The following POLI variants were observed in gnomAD, a reference collection of about 807,000 sequenced individuals.
POLI encodes the protein DNA polymerase iota.
Under a neutral mutation model 51.6 loss-of-function variants are expected in POLI, and 58 were observed. That is an observed-to-expected ratio of 1.12 (90% CI 0.91 to 1.40). The LOEUF (loss-of-function observed/expected upper bound fraction) is 1.40. Ranked by LOEUF, POLI falls within the 40% of genes most tolerant of loss-of-function variation. The probability of loss-of-function intolerance (pLI) is 0.00; values close to 1 mark genes in which losing one functional copy is unlikely to be tolerated. For missense variants in POLI, 921 were observed against 871.3 expected, an observed-to-expected ratio of 1.06 and a Z score of -0.72; for synonymous variants, 322 against 299.7, an observed-to-expected ratio of 1.07 and a Z score of -0.77.
At chr18:54,269,929 G>C in intron 1 of POLI, 1 of 1,198,552 alleles carries the variant, frequency 8.3e-7, no homozygotes, top group Admixed American at 4.5e-5. Context: ...TGTGAGGGGC[G>C]AGGTGGGGCG....
intron 6 of POLI, among the ~76,000 whole-genome samples, chr18:54,283,479 A>G (rs1048810362): frequency 2.6e-5 from 4 of 152,074 alleles, no homozygotes; most frequent in Admixed American, 6.6e-5. Context: ...TTGTTTGTCC[A>G]TTCCTTCTTA....
chr18:54,272,962 ATGT>A (rs1447941739), intron 2 of POLI, among the ~76,000 whole-genome samples: 42 of 152,224 alleles, frequency 2.8e-4, no homozygotes, highest in African/African-American at 9.4e-4. Flanking sequence ...TATAAAAATA[ATGT>A]TGTTTATGAT....
chr18:54,279,165 C>G (rs972656924), intron 4 of POLI, among the ~76,000 whole-genome samples: 1 of 151,342 alleles, frequency 6.6e-6, no homozygotes, highest in African/African-American at 2.4e-5. Flanking sequence ...CTCTTTCATA[C>G]AGATTTTATT....
upstream of POLI, chr18:54,269,499 G>C (rs1372446988): frequency 6.7e-7 from 1 of 1,498,386 alleles, no homozygotes; most frequent in Non-Finnish European, 8.9e-7. Flanking sequence ...TTTCCCTGGA[G>C]ACCAGGCGGA....
At chr18:54,286,588 T>A (rs981619613) in intron 7 of POLI, among the ~76,000 whole-genome samples, 1 of 152,212 alleles carries the variant, frequency 6.6e-6, no homozygotes, top group Non-Finnish European at 1.5e-5. Context: ...TTTTGTTATT[T>A]TTCACTTATT....
chr18:54,313,807 A>G (rs2088699309), intron 3 of POLI, among the ~76,000 whole-genome samples: 1 of 152,194 alleles, frequency 6.6e-6, no homozygotes, highest in African/African-American at 2.4e-5. Context: ...CTGATTTTGT[A>G]TCCTGAAACT....
chr18:54,280,966 T>A, intron 5 of POLI, 63 bp downstream of exon 5: 1 of 853,236 alleles, frequency 1.2e-6, no homozygotes, highest in South Asian at 1.9e-5. Flanking sequence ...ATTTAAAAAA[T>A]TATAGATACA....
downstream of POLI, among the ~76,000 whole-genome samples, chr18:54,298,843 T>A (rs1434916365): frequency 1.3e-5 from 2 of 151,988 alleles, no homozygotes; most frequent in Non-Finnish European, 2.9e-5. Context: ...CGCCTCAGCC[T>A]CCCAAAGTGC....
chr18:54,319,377 G>A (rs945919742), intron 3 of POLI, among the ~76,000 whole-genome samples: 3 of 152,098 alleles, frequency 2.0e-5, no homozygotes, highest in African/African-American at 4.8e-5. Flanking sequence ...TGGTAGAGAA[G>A]GGACATTGAA....
rs1039015444 is a variant in POLI, at chr18:54,272,637, A to C, written c.241+1152A>C. ...GAGGTGTGCGCCACCATACTCGGTT[A>C]ATTTTTTTGTATTTTTAGTAGAGAC... is the stretch of plus-strand genomic sequence containing the variant. On this transcript the variant is annotated intron_variant, in intron 2 of 9. Coordinates refer to ENST00000579534, the MANE Select transcript of POLI (RefSeq NM_007195.3). Among the ~76,000 whole-genome samples the C allele has an allele frequency of 4.0e-5, 6 of 150,208 alleles. No individual in the cohort carries two copies. The East Asian group carries it at 1.2e-3, about 29-fold the overall frequency.
In POLI at chr18:54,294,609, G is replaced by A; in HGVS notation, c.*142G>A. 1 of 1,296,016 alleles carries A rather than the reference G, an allele frequency of 7.7e-7. No homozygotes were observed. Among genetic ancestry groups the A allele is most frequent in the Non-Finnish European group, 9.8e-7 (1 of 1,025,466 alleles). 80.3% of individuals were successfully genotyped at this position (1,296,016 alleles called of 1,614,324 possible). On this transcript the variant is annotated 3_prime_UTR_variant, in exon 10 of 10. Coordinates refer to ENST00000579534, the MANE Select transcript of POLI (RefSeq NM_007195.3). The stretch of plus-strand genomic sequence containing the variant: ...CCAGATAAAGCAAGAATAGTTGCAA[G>A]AAGTAAATTCTGGCACAAAGCGTAA...
downstream of POLI, among the ~76,000 whole-genome samples, chr18:54,302,776 AC>A (rs1461993217): frequency 2.6e-5 from 4 of 151,952 alleles, no homozygotes; most frequent in African/African-American, 4.8e-5. Context: ...CACCTCCACT[AC>A]CCTTCCCAGC....
downstream of POLI, among the ~76,000 whole-genome samples, chr18:54,301,770 G>A (rs1035053862): frequency 6.6e-6 from 1 of 152,078 alleles, no homozygotes; most frequent in East Asian, 1.9e-4. Flanking sequence ...GAAACTTCAG[G>A]CAGTAAGCTA....
intron 7 of POLI, among the ~76,000 whole-genome samples, chr18:54,286,782 A>G (rs1326839672): frequency 1.3e-5 from 2 of 152,078 alleles, no homozygotes; most frequent in East Asian, 1.9e-4. Flanking sequence ...CCTCTCTACT[A>G]AAAATACAAA....
intron 7 of POLI, among the ~76,000 whole-genome samples, chr18:54,285,683 C>T (rs3730759): frequency 1.0e-3 from 155 of 152,166 alleles, no homozygotes; most frequent in African/African-American, 3.7e-3. Flanking sequence ...GCTTACGATA[C>T]AGCCTTTTTC....
At position 54,280,831 on chromosome 18, in the gene POLI, CAACA is replaced by C. The variant is rs747005866; in HGVS notation, c.729_732del (p.Thr244SerfsTer14). 5.0e-5 allele frequency: 80 copies of C among 1,613,542 alleles called. No individual in the cohort carries two copies. Among genetic ancestry groups the C allele is most frequent in the Non-Finnish European group, 6.1e-5 (72 of 1,179,676 alleles). On this transcript the variant is annotated frameshift_variant, in exon 5 of 10. Coordinates refer to ENST00000579534, the MANE Select transcript of POLI (RefSeq NM_007195.3). LOFTEE classifies it high-confidence loss of function. ...AGTTTCTGGTGTCTTTAAACCAAAT[CAACA>C]AACAGTCTTATTACCTGAAAGTTGT...
At chr18:54,309,381 T>G (rs1026287194) in intron 3 of POLI, among the ~76,000 whole-genome samples, 5 of 152,128 alleles carry the variant, frequency 3.3e-5, no homozygotes, top group African/African-American at 4.8e-5. Flanking sequence ...GGGGGTCCAC[T>G]CCAGACCCTG....
chr18:54,315,912 A>G (rs563039593), intron 3 of POLI, among the ~76,000 whole-genome samples: 42 of 149,060 alleles, frequency 2.8e-4, no homozygotes, highest in Non-Finnish European at 4.7e-4. Context: ...CCAACTTGAC[A>G]TTTTATGCAT....
intron 4 of POLI, among the ~76,000 whole-genome samples, chr18:54,279,697 G>T (rs2087411553): frequency 6.6e-6 from 1 of 152,152 alleles, no homozygotes; most frequent in African/African-American, 2.4e-5. Flanking sequence ...TTTAGCGTTA[G>T]TCTCTTTGAG....
Sources: gnomAD v4.1 joint callset for allele counts (sites outside exome capture counted in the v4.1 genomes callset) on GRCh38, gnomAD v4.1.1 for gene constraint, MANE v1.5 for transcripts, NCBI Gene and HGNC (gene_info 2026-07-23, HGNC 2026-07-21) for gene names.